AGO3: variants seen among roughly 807,000 people sequenced by gnomAD.
AGO3 encodes argonaute RISC catalytic component 3.
AGO3 carries 16 observed loss-of-function variants against 105.5 expected under a neutral mutation model. The observed-to-expected ratio is 0.15, with a 90% confidence interval of 0.10 to 0.23. The LOEUF (loss-of-function observed/expected upper bound fraction) is 0.23, where lower values mean the gene tolerates loss of function less well. AGO3 is among the 10% of genes least tolerant of loss of function. The pLI is 1.00. For synonymous variants in AGO3, 340 were observed against 367.3 expected (o/e 0.93, Z 0.85); for missense variants, 534 against 1,088.0 (o/e 0.49, Z 7.16).
chr1:36,054,913 A>C, intron 17 of AGO3, 33 bp from the exon 18 acceptor site: 1 of 1,600,364 alleles, frequency 6.2e-7, no homozygotes, highest in South Asian at 1.1e-5. Context: ...AGAGTTCAAA[A>C]TTCAACAGTG....
At chr1:36,021,884 CT>C (rs946202077) in intron 11 of AGO3, among the ~76,000 whole-genome samples, 5 of 150,822 alleles carry the variant, frequency 3.3e-5, no homozygotes, top group Non-Finnish European at 5.9e-5. Flanking sequence ...TTTCCTCTCT[CT>C]TTTTTTTTGT....
intron 5 of AGO3, among the ~76,000 whole-genome samples, chr1:35,975,116 T>C (rs1378218613): frequency 6.6e-6 from 1 of 152,194 alleles, no homozygotes; most frequent in African/African-American, 2.4e-5. Context: ...TTCCTGGCGG[T>C]TAGACTGATG....
In AGO3 at chr1:35,973,390, G is replaced by T; in HGVS notation, c.537G>T (p.Gly179=). ...HLPSMKYTPV[G]RSFFSAPEGY... ...ATTTTTGTAGATACACACCTGTGGG[G>T]CGTTCATTTTTCTCCGCTCCAGAAG... The change falls in exon 5 of 19, where the codon GGG becomes GGT. Residue 179 remains glycine (G), a synonymous_variant. Coordinates refer to ENST00000373191, the MANE Select transcript of AGO3 (RefSeq NM_024852.4). The T allele has an allele frequency of 6.3e-7, 1 of 1,579,316 alleles. No individual in the cohort carries two copies. Among genetic ancestry groups the T allele is most frequent in the Non-Finnish European group, 8.6e-7 (1 of 1,159,052 alleles).
chr1:35,969,731 C>G lies in AGO3; in HGVS notation c.313-2293C>G, dbSNP rs544429320. 2.0e-4 allele frequency among the ~76,000 whole-genome samples: 30 copies of G among 152,228 alleles called. No homozygotes were observed. The South Asian group carries it at 5.6e-3, about 28-fold the overall frequency. Reference sequence around the variant, plus strand: ...GTGCTATCATCACAGTGTATACTTACGCAAACCTGAATGGTATAGCTTACT... The same window carrying G: ...GTGCTATCATCACAGTGTATACTTAGGCAAACCTGAATGGTATAGCTTACT... On this transcript the variant is annotated intron_variant, in intron 3 of 18. Coordinates refer to ENST00000373191, the MANE Select transcript of AGO3 (RefSeq NM_024852.4).
At chr1:35,992,670 G>T (rs999041045) in intron 5 of AGO3, among the ~76,000 whole-genome samples, 1 of 152,140 alleles carries the variant, frequency 6.6e-6, no homozygotes, top group African/African-American at 2.4e-5. Flanking sequence ...ACCCATAAAG[G>T]AATCTGTGAC....
At chr1:36,029,383 CTT>C (rs1412560841) in intron 12 of AGO3, among the ~76,000 whole-genome samples, 1 of 146,788 alleles carries the variant, frequency 6.8e-6, no homozygotes, top group Non-Finnish European at 1.5e-5. Flanking sequence ...TAAATTTTCT[CTT>C]TCTTTCTTTT....
chr1:36,057,358 G>A lies in AGO3; in HGVS notation c.*1613G>A, dbSNP rs1642952252. The A allele has an allele frequency of 6.6e-6, 1 of 151,750 alleles. No individual in the cohort carries two copies. Among genetic ancestry groups the A allele is most frequent in the Admixed American group, 6.6e-5 (1 of 15,240 alleles). 9.4% of individuals were successfully genotyped at this position (151,750 alleles called of 1,614,324 possible). A position where few individuals can be genotyped will look rare whatever the true frequency, so the allele number is the denominator to read the frequency against. ...ATTTTTTATATATATATATGTATGT[G>A]TGTGTATATAAACACATATGTATGT... On this transcript the variant is annotated 3_prime_UTR_variant, in exon 19 of 19. Coordinates refer to ENST00000373191, the MANE Select transcript of AGO3 (RefSeq NM_024852.4).
rs185815569 is a variant in AGO3 at position 36,038,733 on chromosome 1, A to G, written c.1843-1057A>G. Among the ~76,000 whole-genome samples the G allele has an allele frequency of 6.7e-3, 1,025 of 152,324 alleles. 8 individuals carry two copies. The highest frequency in any genetic ancestry group is 0.023 in the African/African-American group (973 of 41,576). The stretch of plus-strand genomic sequence containing the variant: ...ATGCTTTGAGGTCTCTTCTCCAAAG[A>G]CATAACAATATTAGACACAGAAAGA... On this transcript the variant is annotated intron_variant, in intron 14 of 18. Transcript: ENST00000373191.
intron 12 of AGO3, among the ~76,000 whole-genome samples, chr1:36,032,642 AGTGCTGGG>A (rs1487841134): frequency 5.3e-5 from 8 of 152,220 alleles, no homozygotes; most frequent in South Asian, 2.1e-4. Flanking sequence ...AGCCTACCAA[AGTGCTGGG>A]ATTACAGGTG....
intron 14 of AGO3, among the ~76,000 whole-genome samples, chr1:36,039,483 A>G (rs1450273573): frequency 1.5e-5 from 2 of 134,642 alleles, no homozygotes; most frequent in East Asian, 4.7e-4. Flanking sequence ...ACAGAGCAAG[A>G]CTGCGTCTCA....
At chr1:35,998,648 A>G (rs912213800) in intron 5 of AGO3, among the ~76,000 whole-genome samples, 1 of 152,138 alleles carries the variant, frequency 6.6e-6, no homozygotes, top group Admixed American at 6.5e-5. Context: ...TTTGTCTTCT[A>G]TGAAACGTTT....
chr1:36,061,874 T>A lies in AGO3; in HGVS notation c.*6129T>A, dbSNP rs1347000453. ...GAACTCCAAGAGTGTGACAGTTTCA[T>A]AAAAATAATGTTAGTTGTTGTCTTG... is the stretch of plus-strand genomic sequence containing the variant. On this transcript the variant is annotated 3_prime_UTR_variant, in exon 19 of 19. Transcript: ENST00000373191. 1.3e-5 allele frequency: 2 copies of A among 152,216 alleles called. No homozygotes were observed. The highest frequency in any genetic ancestry group is 2.9e-5 in the Non-Finnish European group (2 of 68,044). 9.4% of individuals were successfully genotyped at this position (152,216 alleles called of 1,614,324 possible).
At chr1:35,960,988 G>A (rs185905278) in intron 2 of AGO3, among the ~76,000 whole-genome samples, 105 of 149,524 alleles carry the variant, frequency 7.0e-4, no homozygotes, top group Middle Eastern at 3.4e-3. Context: ...CTGATGCCCA[G>A]GGTGGAGTGC....
At chr1:36,041,558 T>C (rs1041761761) in intron 16 of AGO3, among the ~76,000 whole-genome samples, 2 of 152,132 alleles carry the variant, frequency 1.3e-5, no homozygotes, top group East Asian at 3.9e-4. Context: ...TGTTTTCTTA[T>C]CTGTGTGCAG....
At chr1:35,936,340 T>G (rs1646145549) in intron 1 of AGO3, among the ~76,000 whole-genome samples, 1 of 152,172 alleles carries the variant, frequency 6.6e-6, no homozygotes, top group Admixed American at 6.5e-5. Flanking sequence ...TGTGGGCATT[T>G]TGTGGTTTGG....
In AGO3 at chr1:35,994,042, A is replaced by ATTTTTTTT. The variant is rs759085356; in HGVS notation, c.659-10280_659-10273dup. On this transcript the variant is annotated intron_variant, in intron 5 of 18. Transcript: ENST00000373191. The stretch of plus-strand genomic sequence containing the variant: ...TACATGCGTGAGCCACTGCGCCCAG[A>ATTTTTTTT]TTTTTTTTTTTTTTTTTTTTTTTTT... Among the ~76,000 whole-genome samples, 44 of 65,840 alleles carry ATTTTTTTT rather than the reference A, an allele frequency of 6.7e-4. 5 individuals are homozygous for ATTTTTTTT. The highest frequency in any genetic ancestry group is 2.8e-3 in the African/African-American group (39 of 14,088). The allele number at this position is 65,840 out of a possible 152,430, so 43.2% of individuals were successfully genotyped here. A position where few individuals can be genotyped will look rare whatever the true frequency, so the allele number is the denominator to read the frequency against.
chr1:35,981,272 A>G (rs558273252), intron 5 of AGO3, among the ~76,000 whole-genome samples: 2 of 152,188 alleles, frequency 1.3e-5, no homozygotes, highest in Non-Finnish European at 2.9e-5. Flanking sequence ...TGTTGCTTAT[A>G]TTGGCATGAG....
At chr1:35,970,355 C>T (rs920174463) in intron 3 of AGO3, among the ~76,000 whole-genome samples, 3 of 152,122 alleles carry the variant, frequency 2.0e-5, no homozygotes, top group African/African-American at 7.2e-5. Flanking sequence ...TAGTCCGTGC[C>T]TCATGGGATT....
At chr1:35,937,799 G>T (rs980728410) in intron 1 of AGO3, among the ~76,000 whole-genome samples, 1 of 152,214 alleles carries the variant, frequency 6.6e-6, no homozygotes, top group South Asian at 2.1e-4. Context: ...TAATAAGTGC[G>T]GTATGTTTGG....
Sources: allele counts gnomAD v4.1 joint callset (sites outside exome capture counted in the v4.1 genomes callset), GRCh38; gene constraint gnomAD v4.1.1; transcripts MANE v1.5; gene names NCBI Gene and HGNC (gene_info 2026-07-23, HGNC 2026-07-21).